CDH6: variants seen among roughly 807,000 people sequenced by gnomAD.
CDH6 encodes the protein cadherin 6.
CDH6 carries 31 observed loss-of-function variants against 78.0 expected under a neutral mutation model. The ratio of observed to expected loss-of-function variants is 0.40; its 90% CI spans 0.30 to 0.54. The LOEUF is 0.54. Among genes scored for constraint, CDH6 ranks in the 20% least tolerant of loss-of-function variants. The pLI is 0.56. For missense variants in CDH6, 724 were observed against 975.9 expected, an observed-to-expected ratio of 0.74 and a Z score of 3.44; for synonymous variants, 376 against 368.8, an observed-to-expected ratio of 1.02 and a Z score of -0.23.
At chr5:31,219,006 A>T (rs1740938351) in intron 1 of CDH6, among the ~76,000 whole-genome samples, 1 of 152,154 alleles carries the variant, frequency 6.6e-6, no homozygotes. Flanking sequence ...GTTTCTATTA[A>T]GGTGATTTTT....
At chr5:31,284,417 TCC>T (rs1342427113) in intron 2 of CDH6, among the ~76,000 whole-genome samples, 3 of 152,214 alleles carry the variant, frequency 2.0e-5, no homozygotes, top group Non-Finnish European at 4.4e-5. Context: ...TGAATCTGAA[TCC>T]ACAGGGTGGA....
At chr5:31,318,070 C>A in intron 11 of CDH6, 146 bp downstream of exon 11, 1 of 969,776 alleles carries the variant, frequency 1.0e-6, no homozygotes, top group Non-Finnish European at 1.6e-6. Flanking sequence ...CTGTGCTGTA[C>A]GATGTGAACT....
chr5:31,308,075 A>G (rs1738038140), intron 7 of CDH6, among the ~76,000 whole-genome samples: 1 of 152,148 alleles, frequency 6.6e-6, no homozygotes, highest in Non-Finnish European at 1.5e-5. Flanking sequence ...CTTATATTAG[A>G]AAAATCCATT....
At chr5:31,240,958 T>C (rs940654660) in intron 1 of CDH6, among the ~76,000 whole-genome samples, 1 of 152,228 alleles carries the variant, frequency 6.6e-6, no homozygotes, top group Non-Finnish European at 1.5e-5. Flanking sequence ...GCTAGTCCTG[T>C]CCAATTGGAA....
At chr5:31,275,049 G>C (rs900906489) in intron 2 of CDH6, among the ~76,000 whole-genome samples, 18 of 152,176 alleles carry the variant, frequency 1.2e-4, no homozygotes, top group Non-Finnish European at 2.1e-4. Context: ...CTTGTTCGTA[G>C]TATTAGTAAA....
intron 1 of CDH6, among the ~76,000 whole-genome samples, chr5:31,206,839 G>A (rs1226818872): frequency 6.6e-6 from 1 of 151,948 alleles, no homozygotes; most frequent in Non-Finnish European, 1.5e-5. Flanking sequence ...TCATTTTCAG[G>A]TTTGGCTTTG....
chr5:31,207,003 A>G (rs1740544175), intron 1 of CDH6, among the ~76,000 whole-genome samples: 1 of 152,192 alleles, frequency 6.6e-6, no homozygotes, highest in Admixed American at 6.5e-5. Flanking sequence ...GCCACAAAGC[A>G]CAAAGCCATA....
At chr5:31,255,692 TAATA>T (rs1157887723) in intron 1 of CDH6, among the ~76,000 whole-genome samples, 1 of 152,218 alleles carries the variant, frequency 6.6e-6, no homozygotes, top group Non-Finnish European at 1.5e-5. Context: ...TCTGTCTTAT[TAATA>T]GTTAGTCTCA....
chr5:31,271,895 C>T (rs1742540860), intron 2 of CDH6, among the ~76,000 whole-genome samples: 1 of 152,114 alleles, frequency 6.6e-6, no homozygotes, highest in African/African-American at 2.4e-5. Flanking sequence ...TTCCCTGGGT[C>T]TCACCTCCCC....
At chr5:31,300,664 G>T (rs1440115134) in intron 5 of CDH6, among the ~76,000 whole-genome samples, 1 of 152,144 alleles carries the variant, frequency 6.6e-6, no homozygotes, top group Non-Finnish European at 1.5e-5. Context: ...CCCTGGGGAA[G>T]AATAACATAA....
rs1267863597 is a variant in CDH6 at position 31,277,032 on chromosome 5, T to G, written c.228+9331T>G. 2.0e-5 allele frequency among the ~76,000 whole-genome samples: 3 copies of G among 152,290 alleles called. No individual in the cohort carries two copies. In the East Asian group the frequency reaches 5.8e-4, roughly 29 times the overall value. ...AGGTGATCCCACTGATGGCCAATGT[T>G]GTGAAGCCAAGTATTATGGGTCAGA... On this transcript the variant is annotated intron_variant, in intron 2 of 11. Coordinates refer to ENST00000265071, the MANE Select transcript of CDH6 (RefSeq NM_004932.4).
At chr5:31,209,486 A>G (rs1740632134) in intron 1 of CDH6, among the ~76,000 whole-genome samples, 1 of 152,208 alleles carries the variant, frequency 6.6e-6, no homozygotes. Context: ...AGGAGTGATT[A>G]AGCTAGTGGG....
intron 1 of CDH6, among the ~76,000 whole-genome samples, chr5:31,210,076 T>TTTTGTGTGTGTGTGTGTG (rs1554002608): frequency 4.1e-5 from 6 of 146,470 alleles, no homozygotes; most frequent in African/African-American, 1.5e-4. Flanking sequence ...TTTTCTTAAA[T>TTTTGTGTGTGTGTGTGTG]TGTGTGTGTG....
At chr5:31,252,327 TG>T (rs1356155135) in intron 1 of CDH6, among the ~76,000 whole-genome samples, 16 of 89,554 alleles carry the variant, frequency 1.8e-4, no homozygotes, top group Admixed American at 9.9e-5. Flanking sequence ...TATGTGTGTG[TG>T]GTGTGTGTGT....
chr5:31,305,486 A>G lies in CDH6; in HGVS notation c.1253+59A>G, dbSNP rs905506479. The G allele has an allele frequency of 8.5e-6, 13 of 1,522,444 alleles. No homozygotes were observed. The African/African-American group carries it at 1.4e-4, about 16-fold the overall frequency. 94.3% of individuals were successfully genotyped at this position (1,522,444 alleles called of 1,614,324 possible). A position where few individuals can be genotyped will look rare whatever the true frequency, so the allele number is the denominator to read the frequency against. ...AGCTTCAGTCAATTTATATTCAAAT[A>G]TCTGCCTGCACTTGAGAAAAGATGA... is the stretch of plus-strand genomic sequence containing the variant. On this transcript the variant is annotated intron_variant, in intron 7 of 11. Coordinates refer to ENST00000265071, the MANE Select transcript of CDH6 (RefSeq NM_004932.4).
chr5:31,323,386 G>C lies in CDH6; in HGVS notation c.*78G>C, dbSNP rs916388659. On this transcript the variant is annotated 3_prime_UTR_variant, in exon 12 of 12. Coordinates refer to ENST00000265071, the MANE Select transcript of CDH6 (RefSeq NM_004932.4). ...TTTCTTTATATTTATCCACTACTCC[G>C]TGAAGGCTTCTCTGTTCTACCCGTT... The C allele has an allele frequency of 2.0e-6, 3 of 1,476,582 alleles. No homozygotes were observed. Among genetic ancestry groups the C allele is most frequent in the East Asian group, 2.3e-5 (1 of 43,804 alleles). 91.5% of individuals were successfully genotyped at this position (1,476,582 alleles called of 1,614,324 possible).
chr5:31,302,786 GAGAGAGAGAGAGAGAAAGAAAGAA>G (rs199915871), intron 6 of CDH6, among the ~76,000 whole-genome samples: 14 of 54,494 alleles, frequency 2.6e-4, no homozygotes, highest in African/African-American at 9.6e-4. Context: ...GAAAGAGAGA[GAGAGAGAGAGAGAGAAAGAAAGAA>G]AGAAAGAAAG....
chr5:31,304,203 C>T (rs1277094130), intron 6 of CDH6, among the ~76,000 whole-genome samples: 1 of 151,934 alleles, frequency 6.6e-6, no homozygotes, highest in Non-Finnish European at 1.5e-5. Flanking sequence ...AAACTTTAAT[C>T]TGTGTTGTCT....
intron 7 of CDH6, among the ~76,000 whole-genome samples, chr5:31,310,913 C>T (rs967657318): frequency 6.6e-6 from 1 of 152,210 alleles, no homozygotes; most frequent in Admixed American, 6.5e-5. Context: ...CCTCCTATGC[C>T]TCTGGGCCTG....
Sources: allele counts gnomAD v4.1 joint callset (sites outside exome capture counted in the v4.1 genomes callset), GRCh38; gene constraint gnomAD v4.1.1; transcripts MANE v1.5; gene names NCBI Gene and HGNC (gene_info 2026-07-23, HGNC 2026-07-21).